Variants in PREX1 observed in about 807,000 individuals in gnomAD.
PREX1 encodes phosphatidylinositol-3,4,5-trisphosphate dependent Rac exchange factor 1.
A neutral mutation model predicts 198.3 loss-of-function variants in PREX1; 41 were observed. The ratio of observed to expected loss-of-function variants is 0.21; its 90% CI spans 0.16 to 0.27. The LOEUF is 0.27. PREX1 is among the 10% of genes least tolerant of loss of function. PREX1 has a pLI of 1.00. For missense variants in PREX1, 1,620 were observed against 2,200.7 expected, an observed-to-expected ratio of 0.74 and a Z score of 5.28; for synonymous variants, 843 against 887.2, an observed-to-expected ratio of 0.95 and a Z score of 0.89.
chr20:48,821,698 GTTTC>G (rs1432592512), intron 1 of PREX1: 2 of 152,204 alleles, frequency 1.3e-5, no homozygotes, highest in African/African-American at 4.8e-5. Context: ...TAGGATGTGG[GTTTC>G]TTTATTAAAG....
At chr20:48,861,765 T>A in the PREX1 span, among the ~76,000 whole-genome samples, 5 of 152,250 alleles carry the variant, frequency 3.3e-5, no homozygotes, top group African/African-American at 1.2e-4. Context: ...TAGGGGGACC[T>A]CACAAGAGGC....
rs904262860 is a variant in PREX1, at chr20:48,795,514, C to T, written c.219+32128G>A. Among the ~76,000 whole-genome samples, 16 of 150,644 alleles carry T rather than the reference C, an allele frequency of 1.1e-4. 1 individual carries two copies. Among genetic ancestry groups the T allele is most frequent in the South Asian group, 2.1e-4 (1 of 4,772 alleles). ...TTTGGCTGGTGGGTAGAGCCAGGGA[C>T]GCTCCTAAACATTCTACAATGCACA... On this transcript the variant is annotated intron_variant, in intron 1 of 39. Transcript: ENST00000371941.
intron 14 of PREX1, among the ~76,000 whole-genome samples, chr20:48,669,789 G>T (rs1216564704): frequency 6.6e-6 from 1 of 152,182 alleles, no homozygotes; most frequent in South Asian, 2.1e-4. Context: ...AATGTTAGCT[G>T]TTCCTGATTA....
At chr20:48,642,133 C>A (rs201343123) in intron 29 of PREX1, 35 bp downstream of exon 29, 1 of 1,597,656 alleles carries the variant, frequency 6.3e-7, no homozygotes, top group East Asian at 2.2e-5. Context: ...CCTTCCCCAT[C>A]GCAGGCTGTC....
the PREX1 span, among the ~76,000 whole-genome samples, chr20:48,867,174 G>T: frequency 6.6e-6 from 1 of 152,204 alleles, no homozygotes; most frequent in African/African-American, 2.4e-5. Context: ...TTGGAGACAG[G>T]AACAGAGGAA....
intron 37 of PREX1, 126 bp from the exon 38 acceptor site, chr20:48,628,089 C>G: frequency 4.3e-6 from 3 of 692,440 alleles, no homozygotes; most frequent in Non-Finnish European, 7.3e-6. Context: ...GCCTCCCAGA[C>G]CCAATCCTGA....
chr20:48,658,307 C>A, intron 16 of PREX1, 79 bp from the exon 17 acceptor site: 1 of 1,413,338 alleles, frequency 7.1e-7, no homozygotes, highest in Non-Finnish European at 9.8e-7. Flanking sequence ...CCCCACAGGA[C>A]CATGACCTCG....
Position 48,736,878 on chromosome 20 carries a change from T to C in PREX1, c.415-2228A>G, listed in dbSNP as rs537709458. On this transcript the variant is annotated intron_variant, in intron 3 of 39. Coordinates refer to ENST00000371941, the MANE Select transcript of PREX1 (RefSeq NM_020820.4). ...CCACTATCAGCATCAACCCTGTAAGTGCCAAGGAGAAGTTCTGCAGCCAGA... is the reference window on the plus strand; with the variant it reads ...CCACTATCAGCATCAACCCTGTAAGCGCCAAGGAGAAGTTCTGCAGCCAGA... Among the ~76,000 whole-genome samples, 3 of 152,212 alleles carry C rather than the reference T, an allele frequency of 2.0e-5. No homozygotes were observed. In the East Asian group the frequency reaches 5.8e-4, roughly 29 times the overall value.
the PREX1 span, among the ~76,000 whole-genome samples, chr20:48,860,490 A>T: frequency 6.6e-6 from 1 of 152,178 alleles, no homozygotes; most frequent in Non-Finnish European, 1.5e-5. Flanking sequence ...ACGCGTCTGA[A>T]CTGTACATTT....
chr20:48,629,661 G>A (rs1209463941), intron 36 of PREX1, 40 bp from the exon 37 acceptor site: 3 of 1,597,098 alleles, frequency 1.9e-6, no homozygotes, highest in East Asian at 2.2e-5. Flanking sequence ...GTTGGAGGAG[G>A]TCCTCACAGC....
intron 1 of PREX1, among the ~76,000 whole-genome samples, chr20:48,803,117 T>C (rs1251606073): frequency 6.6e-6 from 1 of 152,236 alleles, no homozygotes; most frequent in Non-Finnish European, 1.5e-5. Context: ...AGATTTGCGA[T>C]ATCCTGGTTT....
At chr20:48,879,873 C>T in the PREX1 span, among the ~76,000 whole-genome samples, 2 of 152,338 alleles carry the variant, frequency 1.3e-5, no homozygotes, top group African/African-American at 4.8e-5. Flanking sequence ...TCATATTTGT[C>T]ATTCCTAGTT....
intron 1 of PREX1, among the ~76,000 whole-genome samples, chr20:48,790,517 G>C (rs1404756598): frequency 6.6e-6 from 1 of 152,082 alleles, no homozygotes; most frequent in Admixed American, 6.5e-5. Context: ...AAAAAAAAAA[G>C]ATAAATTCAA....
chr20:48,765,521 A>G (rs1361065564), intron 1 of PREX1, among the ~76,000 whole-genome samples: 1 of 152,196 alleles, frequency 6.6e-6, no homozygotes, highest in Non-Finnish European at 1.5e-5. Flanking sequence ...TGCAACACAT[A>G]TTAAGTGCTT....
chr20:48,725,837 G>A (rs1334094881), intron 5 of PREX1, among the ~76,000 whole-genome samples: 1 of 152,224 alleles, frequency 6.6e-6, no homozygotes, highest in Non-Finnish European at 1.5e-5. Context: ...CAGCAATAGT[G>A]ATTGGTTCAG....
chr20:48,706,419 T>A (rs735085), intron 6 of PREX1, among the ~76,000 whole-genome samples: 50,334 of 152,164 alleles, frequency 0.33, 11,850 homozygotes, highest in African/African-American at 0.67. Flanking sequence ...TCAAAACCCA[T>A]ATAGACAGAT....
rs772510113 is a variant in PREX1, at chr20:48,691,197, C to T, written c.1037-101G>A. 1.2e-5 allele frequency: 17 copies of T among 1,456,646 alleles called. No individual in the cohort carries two copies. Among genetic ancestry groups the T allele is most frequent in the Admixed American group, 1.8e-5 (1 of 56,078 alleles). 90.2% of individuals were successfully genotyped at this position (1,456,646 alleles called of 1,614,324 possible). A position where few individuals can be genotyped will look rare whatever the true frequency, so the allele number is the denominator to read the frequency against. On this transcript the variant is annotated intron_variant, in intron 8 of 39. Coordinates refer to ENST00000371941, the MANE Select transcript of PREX1 (RefSeq NM_020820.4). This position sits in a 1 kb window ranked among gnomAD's most constrained non-coding sequence, Gnocchi z 5.0. ...TCCGCCCCAGCACAGGCAGGGCCCT[C>T]GCCTGGATCAGGATGGGGAGCTGGA... is the stretch of plus-strand genomic sequence containing the variant.
chr20:48,787,709 AG>A (rs1202052372), intron 1 of PREX1, among the ~76,000 whole-genome samples: 4 of 152,218 alleles, frequency 2.6e-5, no homozygotes, highest in Non-Finnish European at 4.4e-5. Context: ...AGAAGGACTA[AG>A]GAAACCCCTA....
intron 15 of PREX1, among the ~76,000 whole-genome samples, chr20:48,664,735 C>T (rs768044528): frequency 5.9e-5 from 9 of 151,962 alleles, no homozygotes; most frequent in Admixed American, 2.0e-4. Context: ...CTAATCCCAG[C>T]TCCAGACGGC....
Sources: allele counts gnomAD v4.1 joint callset (sites outside exome capture counted in the v4.1 genomes callset), GRCh38; gene constraint gnomAD v4.1.1; non-coding constraint Gnocchi (gnomAD v3.1); transcripts MANE v1.5; gene names NCBI Gene and HGNC (gene_info 2026-07-23, HGNC 2026-07-21).